MYMX: variants seen among roughly 807,000 people sequenced by gnomAD.
MYMX encodes myomixer, myoblast fusion factor.
the MYMX span, among the ~76,000 whole-genome samples, chr6:44,194,027 G>A: frequency 6.6e-6 from 1 of 151,972 alleles, no homozygotes; most frequent in Admixed American, 6.6e-5. Context: ...TTTTGTGCAG[G>A]TACCCACTTT....
the MYMX span, among the ~76,000 whole-genome samples, chr6:44,211,788 T>TTGTG: frequency 0.054 from 6,858 of 126,364 alleles, 604 homozygotes; most frequent in African/African-American, 0.19. Context: ...CAGCTAGGTT[T>TTGTG]TGTGTGTGTG....
At chr6:44,215,269 G>GA (rs1775798704), upstream of MYMX, among the ~76,000 whole-genome samples, 1 of 152,212 alleles carries the variant, frequency 6.6e-6, no homozygotes, top group African/African-American at 2.4e-5. Context: ...GTAGAAGAAT[G>GA]AAGTATTTAT....
At chr6:44,197,897 T>C in the MYMX span, among the ~76,000 whole-genome samples, 2 of 152,110 alleles carry the variant, frequency 1.3e-5, no homozygotes, top group South Asian at 2.1e-4. Flanking sequence ...CTATTGATTA[T>C]AAAAGTATGT....
the MYMX span, among the ~76,000 whole-genome samples, chr6:44,198,850 A>G: frequency 1.3e-5 from 2 of 152,008 alleles, no homozygotes; most frequent in Admixed American, 1.3e-4. Flanking sequence ...TCCTGACCTC[A>G]AGTGATCTGT....
the MYMX span, among the ~76,000 whole-genome samples, chr6:44,202,402 C>A: frequency 2.0e-5 from 3 of 152,014 alleles, no homozygotes; most frequent in Non-Finnish European, 2.9e-5. Context: ...ACAGTCCTCA[C>A]CTTCACAGGT....
At chr6:44,209,490 A>T in the MYMX span, among the ~76,000 whole-genome samples, 1 of 152,240 alleles carries the variant, frequency 6.6e-6, no homozygotes, top group Non-Finnish European at 1.5e-5. Context: ...TAAAACAGTT[A>T]TCAGGGAAAT....
At chr6:44,210,822 T>C in the MYMX span, among the ~76,000 whole-genome samples, 2 of 152,214 alleles carry the variant, frequency 1.3e-5, no homozygotes, top group Admixed American at 6.5e-5. Flanking sequence ...AATATGTCCT[T>C]TGCCACTTCA....
the MYMX span, chr6:44,209,666 C>T: frequency 2.6e-5 from 4 of 152,064 alleles, no homozygotes; most frequent in Non-Finnish European, 4.4e-5. Context: ...GTAATCCCAT[C>T]ACTTTGGGAG....
the MYMX span, among the ~76,000 whole-genome samples, chr6:44,210,251 T>C: frequency 2.6e-5 from 4 of 151,006 alleles, no homozygotes; most frequent in Non-Finnish European, 3.0e-5. Context: ...GGCCAATATA[T>C]ATACCTTTTA....
At chr6:44,213,482 C>T (rs1355272811), upstream of MYMX, among the ~76,000 whole-genome samples, 4 of 142,392 alleles carry the variant, frequency 2.8e-5, no homozygotes, top group East Asian at 1.9e-4. Flanking sequence ...AGTGCAATGG[C>T]GCGATCTCCA....
At chr6:44,197,293 GAGGCGGAGGC>G in the MYMX span, among the ~76,000 whole-genome samples, 3 of 152,072 alleles carry the variant, frequency 2.0e-5, no homozygotes, top group African/African-American at 7.2e-5. Flanking sequence ...AGCACTTTGG[GAGGCGGAGGC>G]AGGCGGATCA....
At chr6:44,195,114 GT>G in the MYMX span, among the ~76,000 whole-genome samples, 1 of 152,014 alleles carries the variant, frequency 6.6e-6, no homozygotes, top group Non-Finnish European at 1.5e-5. Flanking sequence ...CGCCTCTTGG[GT>G]TCAAGCAATT....
At chr6:44,201,680 G>A in the MYMX span, among the ~76,000 whole-genome samples, 1 of 152,218 alleles carries the variant, frequency 6.6e-6, no homozygotes, top group East Asian at 1.9e-4. Flanking sequence ...TTCTCTGCTG[G>A]CCTCTGACAT....
the MYMX span, among the ~76,000 whole-genome samples, chr6:44,202,436 T>A: frequency 6.6e-6 from 1 of 152,070 alleles, no homozygotes; most frequent in East Asian, 1.9e-4. Context: ...CTATTTTTTT[T>A]TTTTTTCAAT....
chr6:44,210,880 G>A, the MYMX span, among the ~76,000 whole-genome samples: 1 of 152,194 alleles, frequency 6.6e-6, no homozygotes, highest in Non-Finnish European at 1.5e-5. Context: ...TGTAATCCCA[G>A]CACTTTGGGA....
the MYMX span, among the ~76,000 whole-genome samples, chr6:44,202,908 G>A: frequency 6.6e-6 from 1 of 152,210 alleles, no homozygotes; most frequent in African/African-American, 2.4e-5. Flanking sequence ...CCAGGCCCAG[G>A]AATCTCTCAC....
chr6:44,207,105 C>G, the MYMX span, among the ~76,000 whole-genome samples: 1 of 152,064 alleles, frequency 6.6e-6, no homozygotes, highest in Non-Finnish European at 1.5e-5. Context: ...CATTCCTTGG[C>G]AAACCAAGAT....
the MYMX span, among the ~76,000 whole-genome samples, chr6:44,208,107 G>A: frequency 6.6e-6 from 1 of 151,922 alleles, no homozygotes; most frequent in African/African-American, 2.4e-5. Context: ...GTATGCCTGT[G>A]GTCACAGCTA....
chr6:44,215,510 C>A (rs1210296561), upstream of MYMX, among the ~76,000 whole-genome samples: 1 of 152,088 alleles, frequency 6.6e-6, no homozygotes, highest in Non-Finnish European at 1.5e-5. Flanking sequence ...GAGGTTGAGG[C>A]TGCAGTGAGA....
Sources: gnomAD v4.1 joint callset for allele counts (sites outside exome capture counted in the v4.1 genomes callset) on GRCh38, gnomAD v4.1.1 for gene constraint, MANE v1.5 for transcripts, NCBI Gene and HGNC (gene_info 2026-07-23, HGNC 2026-07-21) for gene names.